C1orf167: variants seen among roughly 807,000 people sequenced by gnomAD.
C1orf167 encodes the protein uncharacterized protein C1orf167.
Under a neutral mutation model 176.5 loss-of-function variants are expected in C1orf167, and 153 were observed. That is an observed-to-expected ratio of 0.87 (90% CI 0.76 to 0.99). The LOEUF (loss-of-function observed/expected upper bound fraction) is 0.99. Among genes scored for constraint, C1orf167 ranks in the 50% least tolerant of loss-of-function variants. The pLI, the probability that C1orf167 is intolerant of heterozygous loss-of-function variation, is 0.00. For synonymous variants in C1orf167, 594 were observed against 752.7 expected (o/e 0.79, Z 3.45); for missense variants, 1,490 against 1,817.7 (o/e 0.82, Z 3.28).
At chr1:11,770,727 G>T (rs1455285357) in intron 6 of C1orf167, among the ~76,000 whole-genome samples, 1 of 150,856 alleles carries the variant, frequency 6.6e-6, no homozygotes, top group Non-Finnish European at 1.5e-5. Context: ...CTACCACAGT[G>T]CTGGGATTAT....
chr1:11,772,098 C>T lies in C1orf167; in HGVS notation c.1827C>T (p.Cys609=), dbSNP rs1289459517. Residue 609 remains cysteine, a synonymous_variant, in exon 8 of 21, where the codon TGC becomes TGT. Coordinates refer to ENST00000688073, the MANE Select transcript of C1orf167 (RefSeq NM_001010881.2). ...ALQLAVFFLW[C]QQKKRARQER... ...TCTCCTTAGTGTTCTTCCTGTGGTG[C>T]CAACAGAAGAAACGGGCCAGACAGG... is the stretch of plus-strand genomic sequence containing the variant. 7.7e-7 allele frequency: 1 copy of T among 1,303,640 alleles called. No homozygotes were observed. Among genetic ancestry groups the T allele is most frequent in the Non-Finnish European group, 1.0e-6 (1 of 988,756 alleles). The allele number at this position is 1,303,640 out of a possible 1,614,324, so 80.8% of individuals were successfully genotyped here. A position where few individuals can be genotyped will look rare whatever the true frequency, so the allele number is the denominator to read the frequency against.
chr1:11,788,636 C>T lies in C1orf167; in HGVS notation c.4079-16C>T. 1 of 1,303,874 alleles carries T rather than the reference C, an allele frequency of 7.7e-7. No individual in the cohort carries two copies. The highest frequency in any genetic ancestry group is 1.0e-6 in the Non-Finnish European group (1 of 988,626). The allele number at this position is 1,303,874 out of a possible 1,614,324, so 80.8% of individuals were successfully genotyped here. A position where few individuals can be genotyped will look rare whatever the true frequency, so the allele number is the denominator to read the frequency against. On this transcript the variant is annotated splice_polypyrimidine_tract_variant and intron_variant, in intron 19 of 20. Transcript: ENST00000688073. ...GCGTGAGCACAAGAGGCCTTCTCTG[C>T]CAACTGTCCCCAAAGCTCAGGGAGT...
At chr1:11,784,673 G>A (rs1372534722) in intron 15 of C1orf167, 80 bp downstream of exon 15, 84 of 1,178,496 alleles carry the variant, frequency 7.1e-5, no homozygotes, top group Non-Finnish European at 8.0e-5. Context: ...GGGGTAGAGC[G>A]TAATTCATGG....
Position 11,766,646 on chromosome 1 carries a change from C to G in C1orf167, c.860C>G (p.Pro287Arg). ...PFSAHPQPSQ[P>R]VLASSDGRRR... Reference sequence around the variant, plus strand: ...TCCGCCCACCCCCAGCCCAGCCAGCCTGTCCTTGCTTCCTCGGATGGGAGG... The same window carrying G: ...TCCGCCCACCCCCAGCCCAGCCAGCGTGTCCTTGCTTCCTCGGATGGGAGG... Residue 287 changes from proline to arginine, a missense_variant, in exon 3 of 21, where the codon CCT becomes CGT. By Grantham distance (103) the Pro-to-Arg change is moderately radical. Coordinates refer to ENST00000688073, the MANE Select transcript of C1orf167 (RefSeq NM_001010881.2). The surrounding 1 kb of genome is among the most constrained non-coding windows in gnomAD (Gnocchi z 4.5). 1 of 1,289,200 alleles carries G rather than the reference C, an allele frequency of 7.8e-7. No individual in the cohort carries two copies. Among genetic ancestry groups the G allele is most frequent in the Non-Finnish European group, 1.0e-6 (1 of 988,436 alleles). 79.9% of individuals were successfully genotyped at this position (1,289,200 alleles called of 1,614,324 possible).
At chr1:11,773,635 G>A (rs564536807) in intron 8 of C1orf167, among the ~76,000 whole-genome samples, 2 of 152,190 alleles carry the variant, frequency 1.3e-5, no homozygotes, top group African/African-American at 4.8e-5. Context: ...TTGAACCCGG[G>A]AGGCAGAGGT....
rs1223700106 is a variant in C1orf167, at chr1:11,766,549, A to G, written c.763A>G (p.Arg255Gly). 8.0e-7 allele frequency: 1 copy of G among 1,244,880 alleles called. No homozygotes were observed. Among genetic ancestry groups the G allele is most frequent in the Non-Finnish European group, 1.0e-6 (1 of 965,614 alleles). 77.1% of individuals were successfully genotyped at this position (1,244,880 alleles called of 1,614,324 possible). Residue 255 changes from arginine to glycine, a missense_variant, in exon 3 of 21, where the codon AGG becomes GGG. By Grantham distance (125) the Arg-to-Gly change is moderately radical. Transcript: ENST00000688073. The surrounding 1 kb of genome is among the most constrained non-coding windows in gnomAD (Gnocchi z 4.5). ...CCTGGCGCAGGAGGCAGCCCGACTC[A>G]GGTGCCAGGCTCCCCAGGAACCCCC... Reference protein sequence around the residue: ...HCLAQEAARLRCQAPQEPPGA... With the variant: ...HCLAQEAARLGCQAPQEPPGA...
intron 1 of C1orf167, among the ~76,000 whole-genome samples, chr1:11,763,442 C>CAA (rs34701302): frequency 3.7e-5 from 4 of 107,806 alleles, no homozygotes; most frequent in Admixed American, 9.2e-5. Context: ...GACTCCGGCT[C>CAA]AAAAAAAAAA....
At position 11,766,940 on chromosome 1, in the gene C1orf167, G is replaced by C. The variant is rs1272885989; in HGVS notation, c.1154G>C (p.Cys385Ser). ...RGVGSRGTDP[C>S]SSAFSNTAWG... ...GTGGGAAGCAGGGGGACCGACCCCT[G>C]TTCCTCAGCCTTCTCCAACACAGCC... Residue 385 changes from cysteine to serine, a missense_variant, in exon 3 of 21, where the codon TGT becomes TCT. Cys to Ser is a moderately radical substitution (Grantham distance 112, BLOSUM62 -1). Transcript: ENST00000688073. This position sits in a 1 kb window ranked among gnomAD's most constrained non-coding sequence, Gnocchi z 4.5. 2 of 1,211,906 alleles carry C rather than the reference G, an allele frequency of 1.7e-6. No homozygotes were observed. The highest frequency in any genetic ancestry group is 2.1e-6 in the Non-Finnish European group (2 of 950,614). The allele number at this position is 1,211,906 out of a possible 1,614,324, so 75.1% of individuals were successfully genotyped here. A position where few individuals can be genotyped will look rare whatever the true frequency, so the allele number is the denominator to read the frequency against.
At chr1:11,763,204 C>T (rs1220127500) in intron 1 of C1orf167, among the ~76,000 whole-genome samples, 2 of 152,180 alleles carry the variant, frequency 1.3e-5, no homozygotes, top group African/African-American at 4.8e-5. Flanking sequence ...CTTTGGGAGG[C>T]CGAGGCGGGC....
chr1:11,781,905 G>A (rs1439763302), intron 13 of C1orf167, among the ~76,000 whole-genome samples: 10 of 137,256 alleles, frequency 7.3e-5, no homozygotes, highest in African/African-American at 2.4e-4. Flanking sequence ...GTAAGACTCC[G>A]TCTCAAAAAA....
chr1:11,771,069 ATTTTTTTTTTTTT>A (rs147195468), intron 6 of C1orf167, among the ~76,000 whole-genome samples: 1 of 47,220 alleles, frequency 2.1e-5, no homozygotes, highest in Non-Finnish European at 3.4e-5. Flanking sequence ...ATATATATAT[ATTTTTTTTTTTTT>A]TTTTTTTTTT....
chr1:11,780,046 G>T (rs1422589903), intron 13 of C1orf167, 36 bp downstream of exon 13: 1 of 1,235,770 alleles, frequency 8.1e-7, no homozygotes, highest in East Asian at 5.8e-5. Flanking sequence ...CTGCGGGTGA[G>T]GGCAGGGCCA....
intron 1 of C1orf167, among the ~76,000 whole-genome samples, chr1:11,763,997 C>G (rs1007135679): frequency 1.3e-5 from 2 of 152,146 alleles, no homozygotes. Context: ...GGCTGGAGTT[C>G]AGTTTTGGAC....
chr1:11,781,696 G>A (rs1032287847), intron 13 of C1orf167, among the ~76,000 whole-genome samples: 1 of 152,170 alleles, frequency 6.6e-6, no homozygotes, highest in African/African-American at 2.4e-5. Context: ...GGATCACGAG[G>A]TCAGGAGATC....
At position 11,788,051 on chromosome 1, in the gene C1orf167, AGAG is replaced by A. The variant is rs1557750165; in HGVS notation, c.3848+8_3848+10del. 3 of 1,292,600 alleles carry A rather than the reference AGAG, an allele frequency of 2.3e-6. No homozygotes were observed. Among genetic ancestry groups the A allele is most frequent in the Non-Finnish European group, 3.1e-6 (3 of 981,860 alleles). 80.1% of individuals were successfully genotyped at this position (1,292,600 alleles called of 1,614,324 possible). A position where few individuals can be genotyped will look rare whatever the true frequency, so the allele number is the denominator to read the frequency against. Reference sequence around the variant, plus strand: ...AGGCCCATAAACGGAGGCTACGGTAAGAGGAGCTGTGTGTGCAGTTTGGTGGGT... The same window carrying A: ...AGGCCCATAAACGGAGGCTACGGTAAGAGCTGTGTGTGCAGTTTGGTGGGT... On this transcript the variant is annotated splice_donor_5th_base_variant and intron_variant, in intron 18 of 20. Coordinates refer to ENST00000688073, the MANE Select transcript of C1orf167 (RefSeq NM_001010881.2).
At chr1:11,786,703 A>C (rs1643882358) in intron 16 of C1orf167, 1 of 151,872 alleles carries the variant, frequency 6.6e-6, no homozygotes, top group Non-Finnish European at 1.5e-5. Context: ...GGCCTCCCAA[A>C]GCATTGGGCA....
In C1orf167 at chr1:11,766,500, C is replaced by G; in HGVS notation, c.714C>G (p.His238Gln). ...QTQAPSRAAV[H>Q]QLLASVHCLA... ...AGGCCCCATCCCGTGCTGCCGTCCA[C>G]CAGCTGCTGGCTTCTGTACATTGCC... The change falls in exon 3 of 21, where the codon CAC becomes CAG. Residue 238 changes from histidine (H) to glutamine (Q), a missense_variant. Physicochemically the swap from His to Gln is conservative, Grantham distance 24 (BLOSUM62 0). Transcript: ENST00000688073. The surrounding 1 kb of genome is among the most constrained non-coding windows in gnomAD (Gnocchi z 4.5). 7.8e-7 allele frequency: 1 copy of G among 1,280,840 alleles called. No individual in the cohort carries two copies. 79.3% of individuals were successfully genotyped at this position (1,280,840 alleles called of 1,614,324 possible). A position where few individuals can be genotyped will look rare whatever the true frequency, so the allele number is the denominator to read the frequency against.
chr1:11,768,280 G>T lies in C1orf167; in HGVS notation c.1542+5G>T. On this transcript the variant is annotated splice_donor_5th_base_variant and intron_variant, in intron 5 of 20. Coordinates refer to ENST00000688073, the MANE Select transcript of C1orf167 (RefSeq NM_001010881.2). The surrounding 1 kb of genome is among the most constrained non-coding windows in gnomAD (Gnocchi z 4.5). ...CTGGTCCGGAGCTTCCGAGAGGTCAGCGGTCTCCAGGTTGGGCCAGGGGGC... is the reference window on the plus strand; with the variant it reads ...CTGGTCCGGAGCTTCCGAGAGGTCATCGGTCTCCAGGTTGGGCCAGGGGGC... 2 of 1,289,768 alleles carry T rather than the reference G, an allele frequency of 1.6e-6. No homozygotes were observed. Among genetic ancestry groups the T allele is most frequent in the Non-Finnish European group, 1.0e-6 (1 of 988,712 alleles). 79.9% of individuals were successfully genotyped at this position (1,289,768 alleles called of 1,614,324 possible).
chr1:11,784,316 G>A lies in C1orf167; in HGVS notation c.3148G>A (p.Ala1050Thr), dbSNP rs754312971. Residue 1050 changes from alanine (A) to threonine (T), a missense_variant, in exon 15 of 21, where the codon GCA becomes ACA. Transcript: ENST00000688073. ...GGAAGCCCAGGAAGTGGCAGCCGGG[G>A]CACAGGAGCAGCGTGTGGCCCAGGC... ...WREAQEVAAGAQEQRVAQASL... is the reference protein window; with the variant it reads ...WREAQEVAAGTQEQRVAQASL... The A allele has an allele frequency of 7.7e-7, 1 of 1,303,748 alleles. No individual in the cohort carries two copies. Among genetic ancestry groups the A allele is most frequent in the South Asian group, 1.2e-5 (1 of 80,906 alleles). The allele number at this position is 1,303,748 out of a possible 1,614,324, so 80.8% of individuals were successfully genotyped here.
Sources: allele counts gnomAD v4.1 joint callset (sites outside exome capture counted in the v4.1 genomes callset), GRCh38; gene constraint gnomAD v4.1.1; non-coding constraint Gnocchi (gnomAD v3.1); transcripts MANE v1.5; gene names NCBI Gene and HGNC (gene_info 2026-07-23, HGNC 2026-07-21).